ARHGEF12: variants seen among roughly 807,000 people sequenced by gnomAD.
ARHGEF12 encodes Rho guanine nucleotide exchange factor 12.
In ARHGEF12, 66 loss-of-function variants were observed where a neutral mutation model predicts 211.2. That is an observed-to-expected ratio of 0.31 (90% CI 0.26 to 0.38). The LOEUF (loss-of-function observed/expected upper bound fraction) is 0.38. Ranked by LOEUF, ARHGEF12 falls within the 10% of genes least tolerant of loss-of-function variation. ARHGEF12 has a pLI of 1.00. For synonymous variants in ARHGEF12, 592 were observed against 638.4 expected, an observed-to-expected ratio of 0.93 and a Z score of 1.09; for missense variants, 1,429 against 1,869.5, an observed-to-expected ratio of 0.76 and a Z score of 4.34.
chr11:120,446,338 A>G (rs1946047063), intron 16 of ARHGEF12, 65 bp from the exon 17 acceptor site: 5 of 1,244,060 alleles, frequency 4.0e-6, no homozygotes, highest in Non-Finnish European at 5.6e-6. Context: ...TAGCATTGCT[A>G]TGTTGCCAAT....
chr11:120,371,871 G>A (rs533069547), intron 1 of ARHGEF12, among the ~76,000 whole-genome samples: 1 of 152,238 alleles, frequency 6.6e-6, no homozygotes, highest in East Asian at 1.9e-4. Flanking sequence ...ACAATATTGG[G>A]AACAATATCT....
intron 7 of ARHGEF12, among the ~76,000 whole-genome samples, chr11:120,426,919 C>G (rs768594394): frequency 6.6e-6 from 1 of 152,034 alleles, no homozygotes; most frequent in Admixed American, 6.6e-5. Context: ...TTCTGTCACC[C>G]AGGCTGGCGT....
At chr11:120,351,439 ATATATATATATATATATTTTTTTTTTTT>A (rs1164068909) in intron 1 of ARHGEF12, among the ~76,000 whole-genome samples, 12 of 4,122 alleles carry the variant, frequency 2.9e-3, no homozygotes, top group African/African-American at 0.022. Flanking sequence ...ATATATATAT[ATATATATATATATATATTTTTTTTTTTT>A]TTTTTTTTTT....
At chr11:120,337,963 G>A (rs1194776628) in intron 1 of ARHGEF12, 1 of 939,754 alleles carries the variant, frequency 1.1e-6, no homozygotes, top group Admixed American at 6.2e-5. Flanking sequence ...TAAGCATAGT[G>A]TAAGCGCGCA....
At chr11:120,412,389 A>T (rs1391910126) in intron 4 of ARHGEF12, among the ~76,000 whole-genome samples, 1 of 152,190 alleles carries the variant, frequency 6.6e-6, no homozygotes, top group African/African-American at 2.4e-5. Context: ...AGCAATAGAA[A>T]CTTATTTTCT....
chr11:120,442,637 G>T lies in ARHGEF12; in HGVS notation c.1302+435G>T, dbSNP rs188792262. 7.0e-4 allele frequency among the ~76,000 whole-genome samples: 106 copies of T among 152,126 alleles called. 1 individual carries two copies. Among genetic ancestry groups the T allele is most frequent in the African/African-American group, 2.4e-3 (101 of 41,496 alleles). On this transcript the variant is annotated intron_variant, in intron 15 of 40. Transcript: ENST00000397843. ...ATTTTAACTAAAAAGTGGCAGAAAA[G>T]ATTTCACTTACACTGAAATAAATGA...
At chr11:120,416,299 A>C (rs558496487) in intron 4 of ARHGEF12, among the ~76,000 whole-genome samples, 1 of 152,174 alleles carries the variant, frequency 6.6e-6, no homozygotes, top group Non-Finnish European at 1.5e-5. Flanking sequence ...CCCAGAATAC[A>C]TGCAAGGTTC....
intron 31 of ARHGEF12, among the ~76,000 whole-genome samples, chr11:120,474,293 T>G (rs11217882): frequency 0.19 from 29,373 of 152,100 alleles, 3,110 homozygotes; most frequent in Non-Finnish European, 0.23. Flanking sequence ...TCATAATCTG[T>G]TATCATCTGT....
At chr11:120,383,329 C>T (rs1265746690) in intron 1 of ARHGEF12, among the ~76,000 whole-genome samples, 1 of 151,994 alleles carries the variant, frequency 6.6e-6, no homozygotes, top group Admixed American at 6.6e-5. Context: ...TTCAATGGGA[C>T]TGGGAGGGTG....
At chr11:120,391,879 A>C (rs1944229344) in intron 1 of ARHGEF12, among the ~76,000 whole-genome samples, 1 of 152,206 alleles carries the variant, frequency 6.6e-6, no homozygotes, top group East Asian at 1.9e-4. Flanking sequence ...AATATTATAA[A>C]CTTTATGCAG....
chr11:120,414,135 AAG>A (rs1944962060), intron 4 of ARHGEF12, among the ~76,000 whole-genome samples: 3 of 152,210 alleles, frequency 2.0e-5, no homozygotes, highest in Admixed American at 2.0e-4. Context: ...AAGGAAATAA[AAG>A]AAATGGATAG....
chr11:120,459,111 C>G, intron 25 of ARHGEF12, 63 bp from the exon 26 acceptor site: 1 of 1,356,678 alleles, frequency 7.4e-7, no homozygotes, highest in Non-Finnish European at 9.8e-7. Flanking sequence ...CAGCTAAAGA[C>G]TATGATTGAT....
intron 37 of ARHGEF12, among the ~76,000 whole-genome samples, chr11:120,479,592 A>G (rs1354330349): frequency 1.3e-5 from 2 of 152,210 alleles, no homozygotes; most frequent in African/African-American, 4.8e-5. Context: ...ACAGCCTTTC[A>G]ACATTCTTAA....
At chr11:120,481,124 C>G (rs941055514) in intron 38 of ARHGEF12, 136 bp from the exon 39 acceptor site, 2 of 786,024 alleles carry the variant, frequency 2.5e-6, no homozygotes, top group African/African-American at 3.5e-5. Flanking sequence ...TCTGATGTAC[C>G]TGAAACTAAA....
rs1946978057 is a variant in ARHGEF12 at position 120,474,703 on chromosome 11, T to C, written c.3109+68T>C. The C allele has an allele frequency of 3.2e-6, 4 of 1,261,672 alleles. No homozygotes were observed. In the East Asian group the frequency reaches 9.4e-5, roughly 30 times the overall value. The allele number at this position is 1,261,672 out of a possible 1,614,324, so 78.2% of individuals were successfully genotyped here. On this transcript the variant is annotated intron_variant, in intron 32 of 40. Transcript: ENST00000397843. ...AGGGAAGGAATAGGAAAGTTTCCTA[T>C]GACAAAGGGAAGAGGAGAGAACCAT...
chr11:120,339,903 C>G (rs1942478858), intron 1 of ARHGEF12, among the ~76,000 whole-genome samples: 1 of 152,158 alleles, frequency 6.6e-6, no homozygotes, highest in African/African-American at 2.4e-5. Context: ...TCTTCTCTTT[C>G]CCTTCATCTT....
At chr11:120,378,515 G>A (rs921493758) in intron 1 of ARHGEF12, among the ~76,000 whole-genome samples, 1 of 151,968 alleles carries the variant, frequency 6.6e-6, no homozygotes, top group Non-Finnish European at 1.5e-5. Flanking sequence ...TTTTTATTTT[G>A]TATTCATGCT....
At chr11:120,380,977 T>C (rs1446672333) in intron 1 of ARHGEF12, among the ~76,000 whole-genome samples, 1 of 152,218 alleles carries the variant, frequency 6.6e-6, no homozygotes, top group African/African-American at 2.4e-5. Context: ...TATCCTTTTG[T>C]TTTTTGAACA....
intron 27 of ARHGEF12, chr11:120,464,229 T>G (rs796642019): frequency 1.6e-4 from 24 of 152,260 alleles, no homozygotes; most frequent in African/African-American, 5.5e-4. Context: ...ATGCCAAGGA[T>G]TTGCTTCCCA....
Sources: allele counts gnomAD v4.1 joint callset (sites outside exome capture counted in the v4.1 genomes callset), GRCh38; gene constraint gnomAD v4.1.1; transcripts MANE v1.5; gene names NCBI Gene and HGNC (gene_info 2026-07-23, HGNC 2026-07-21).